Variants in NRCAM observed in about 807,000 individuals in gnomAD.
NRCAM encodes neuronal cell adhesion molecule, also known as NgCAM-related cell adhesion molecule.
Under a neutral mutation model 156.5 loss-of-function variants are expected in NRCAM, and 83 were observed. That is an observed-to-expected ratio of 0.53 (90% CI 0.44 to 0.64). NRCAM has a LOEUF of 0.64. NRCAM is among the 30% of genes least tolerant of loss of function. NRCAM has a pLI of 0.00. For synonymous variants in NRCAM, 538 were observed against 563.9 expected, an observed-to-expected ratio of 0.95 and a Z score of 0.65; for missense variants, 1,417 against 1,597.3, an observed-to-expected ratio of 0.89 and a Z score of 1.92.
At chr7:108,387,266 C>T (rs549083999) in intron 2 of NRCAM, among the ~76,000 whole-genome samples, 3 of 152,162 alleles carry the variant, frequency 2.0e-5, no homozygotes, top group Admixed American at 1.3e-4. Context: ...TTAATAGGGA[C>T]TAAAAGTATG....
rs192510276 is a variant in NRCAM, at chr7:108,173,143, G to A, written c.3187+2179C>T. The stretch of plus-strand genomic sequence containing the variant: ...TGGGATTACAGGCGCCCAACAACAC[G>A]CCCAGCTAATTTTTATATTTTTAGT... On this transcript the variant is annotated intron_variant, in intron 28 of 32. Transcript: ENST00000379028. Among the ~76,000 whole-genome samples the A allele has an allele frequency of 1.0e-3, 158 of 151,768 alleles. 2 individuals are homozygous for A. Among genetic ancestry groups the A allele is most frequent in the Non-Finnish European group, 1.0e-3 (69 of 67,904 alleles).
At chr7:108,203,449 G>GTT (rs34404114) in intron 13 of NRCAM, among the ~76,000 whole-genome samples, 3,550 of 147,928 alleles carry the variant, frequency 0.024, 42 homozygotes, top group Non-Finnish European at 0.031. Context: ...AATTTTTCCA[G>GTT]TTTTTTTTTT....
intron 1 of NRCAM, among the ~76,000 whole-genome samples, chr7:108,455,482 C>G (rs1201403626): frequency 6.6e-6 from 1 of 152,138 alleles, no homozygotes; most frequent in East Asian, 1.9e-4. Flanking sequence ...GCGCCGGCCC[C>G]GACAAGTCCC....
At chr7:108,156,821 G>T (rs1004868364) in intron 32 of NRCAM, among the ~76,000 whole-genome samples, 2 of 152,106 alleles carry the variant, frequency 1.3e-5, no homozygotes, top group Non-Finnish European at 2.9e-5. Flanking sequence ...GGAACCTGGT[G>T]ATCTCAGGAA....
At chr7:108,205,526 G>C (rs1205052364) in intron 13 of NRCAM, among the ~76,000 whole-genome samples, 1 of 152,164 alleles carries the variant, frequency 6.6e-6, no homozygotes, top group Non-Finnish European at 1.5e-5. Flanking sequence ...CCAAGCTTGA[G>C]GGTTTATCCC....
intron 2 of NRCAM, among the ~76,000 whole-genome samples, chr7:108,346,510 C>T (rs1470947588): frequency 1.3e-5 from 2 of 152,130 alleles, no homozygotes; most frequent in Non-Finnish European, 2.9e-5. Flanking sequence ...TGGTTAATTC[C>T]ATTAGGCTAA....
At chr7:108,399,889 A>G (rs2099787041) in intron 1 of NRCAM, among the ~76,000 whole-genome samples, 1 of 152,182 alleles carries the variant, frequency 6.6e-6, no homozygotes, top group Non-Finnish European at 1.5e-5. Flanking sequence ...TGTGCACACA[A>G]ATCAAAAAGA....
At position 108,188,353 on chromosome 7, in the gene NRCAM, C is replaced by A. The variant is rs560399871; in HGVS notation, c.2035+1292G>T. On this transcript the variant is annotated intron_variant, in intron 20 of 32. Coordinates refer to ENST00000379028, the MANE Select transcript of NRCAM (RefSeq NM_001037132.4). ...GGGTTAACACTCCTTACAGCAGGTT[C>A]GCCCTTGAAGGTAGATCTGAGTCCT... 2.0e-5 allele frequency among the ~76,000 whole-genome samples: 3 copies of A among 150,902 alleles called. No individual in the cohort carries two copies. The Admixed American group carries it at 2.0e-4, about 10-fold the overall frequency.
rs1563199244 is a variant in NRCAM, at chr7:108,307,695, C to CAATG, written c.-107+4969_-107+4970insCATT. Among the ~76,000 whole-genome samples, 1,364 of 151,006 alleles carry CAATG rather than the reference C, an allele frequency of 9.0e-3. 30 individuals carry two copies. The highest frequency in any genetic ancestry group is 0.032 in the African/African-American group (1,297 of 41,080). On this transcript the variant is annotated intron_variant, in intron 3 of 32. Transcript: ENST00000379028. ...CAAAGCAAAGCAAAAAAAAAAAAACCCAAGCATCTATTTGTGTATGCAGTC... is the reference window on the plus strand; with the variant it reads ...CAAAGCAAAGCAAAAAAAAAAAAACCAATGCAAGCATCTATTTGTGTATGCAGTC...
At chr7:108,203,083 T>G (rs2079066969) in intron 13 of NRCAM, among the ~76,000 whole-genome samples, 1 of 152,134 alleles carries the variant, frequency 6.6e-6, no homozygotes, top group South Asian at 2.1e-4. Flanking sequence ...CAGTGTGGCT[T>G]TGAAGTCCTG....
intron 13 of NRCAM, among the ~76,000 whole-genome samples, chr7:108,201,494 T>G (rs555617521): frequency 1.4e-4 from 21 of 152,328 alleles, no homozygotes; most frequent in African/African-American, 5.1e-4. Flanking sequence ...GTTCTGAAGA[T>G]CTGTTGCACA....
rs71137612 is a variant in NRCAM at position 108,188,379 on chromosome 7, C to CTGTGTG, written c.2035+1260_2035+1265dup. ...GCCCTTGAAGGTAGATCTGAGTCCT[C>CTGTGTG]TGTGTGTGTGTGTGTGTGTGTATAT... On this transcript the variant is annotated intron_variant, in intron 20 of 32. Coordinates refer to ENST00000379028, the MANE Select transcript of NRCAM (RefSeq NM_001037132.4). Among the ~76,000 whole-genome samples the CTGTGTG allele has an allele frequency of 4.7e-3, 700 of 150,374 alleles. 6 individuals are homozygous for CTGTGTG. Among genetic ancestry groups the CTGTGTG allele is most frequent in the African/African-American group, 0.016 (672 of 41,034 alleles).
intron 2 of NRCAM, among the ~76,000 whole-genome samples, chr7:108,387,251 C>A (rs1466021441): frequency 6.6e-6 from 1 of 152,030 alleles, no homozygotes; most frequent in Non-Finnish European, 1.5e-5. Flanking sequence ...TCTCCACATA[C>A]CTTATTAATA....
intron 1 of NRCAM, among the ~76,000 whole-genome samples, chr7:108,419,686 T>C (rs776506408): frequency 7.9e-5 from 12 of 152,256 alleles, no homozygotes; most frequent in Non-Finnish European, 1.8e-4. Flanking sequence ...TCCACTTTCG[T>C]GTCCACACAC....
chr7:108,434,259 A>G (rs1433802256), intron 1 of NRCAM, among the ~76,000 whole-genome samples: 1 of 152,214 alleles, frequency 6.6e-6, no homozygotes, highest in African/African-American at 2.4e-5. Flanking sequence ...GCTTCACTGC[A>G]CCTGCCAAAG....
At chr7:108,383,632 T>C (rs925262548) in intron 2 of NRCAM, among the ~76,000 whole-genome samples, 7 of 152,194 alleles carry the variant, frequency 4.6e-5, no homozygotes, top group Non-Finnish European at 1.0e-4. Flanking sequence ...CCAAAGAAGA[T>C]TGAGAAATTT....
At chr7:108,231,267 C>CATTAATT (rs1562857670) in intron 7 of NRCAM, 114 bp from the exon 8 acceptor site, 6 of 667,644 alleles carry the variant, frequency 9.0e-6, no homozygotes, top group African/African-American at 7.6e-5. Context: ...AATTTATGTA[C>CATTAATT]ACTAAATTAA....
rs770396815 is a variant in NRCAM at position 108,234,674 on chromosome 7, T to C, written c.139A>G (p.Thr47Ala). ...TCTTTTGGAGACTGTTGGGTGATGG[T>C]TGGAGGCTGTACCACTTAATTGTAG... ...KLLEDLVQPP[T>A]ITQQSPKDYI... The change falls in exon 6 of 33, where the codon ACC becomes GCC. Residue 47 changes from threonine (T) to alanine (A), a missense_variant. Coordinates refer to ENST00000379028, the MANE Select transcript of NRCAM (RefSeq NM_001037132.4). The C allele has an allele frequency of 1.6e-5, 26 of 1,607,672 alleles. No homozygotes were observed. In the East Asian group the frequency reaches 5.1e-4, roughly 32 times the overall value.
chr7:108,350,847 A>G (rs1563385173), intron 2 of NRCAM, among the ~76,000 whole-genome samples: 1 of 152,112 alleles, frequency 6.6e-6, no homozygotes, highest in Non-Finnish European at 1.5e-5. Context: ...AGTTGGCAGC[A>G]TCTTTCTTTT....
Sources: gnomAD v4.1 joint callset for allele counts (sites outside exome capture counted in the v4.1 genomes callset) on GRCh38, gnomAD v4.1.1 for gene constraint, MANE v1.5 for transcripts, NCBI Gene and HGNC (gene_info 2026-07-23, HGNC 2026-07-21) for gene names.